The following EGFLAM variants were observed in gnomAD, a reference collection of about 807,000 sequenced individuals.
The protein encoded by EGFLAM is EGF like, fibronectin type III and laminin G domains.
EGFLAM carries 79 observed loss-of-function variants against 113.1 expected under a neutral mutation model. The observed-to-expected ratio is 0.70, with a 90% CI of 0.58 to 0.84. The LOEUF is 0.84. Among genes scored for constraint, EGFLAM ranks in the 40% least tolerant of loss-of-function variants. The probability of loss-of-function intolerance (pLI) is 0.00; values close to 1 mark genes in which losing one functional copy is unlikely to be tolerated. For missense variants in EGFLAM, 1,265 were observed against 1,291.6 expected (o/e 0.98, Z 0.32); for synonymous variants, 504 against 487.6 (o/e 1.03, Z -0.44).
intron 1 of EGFLAM, chr5:38,285,868 C>T (rs1176103478): frequency 6.6e-6 from 1 of 152,092 alleles, no homozygotes; most frequent in Non-Finnish European, 1.5e-5. Flanking sequence ...GGGCACCTGC[C>T]CCCATGATTC....
intron 15 of EGFLAM, among the ~76,000 whole-genome samples, chr5:38,434,387 G>T (rs948397054): frequency 1.3e-5 from 2 of 152,192 alleles, no homozygotes; most frequent in Admixed American, 6.5e-5. Flanking sequence ...ATAAACCCCT[G>T]CAGGGCAGGA....
intron 1 of EGFLAM, among the ~76,000 whole-genome samples, chr5:38,281,825 T>C (rs2111755623): frequency 6.6e-6 from 1 of 152,364 alleles, no homozygotes; most frequent in Admixed American, 6.5e-5. Flanking sequence ...CTGTGCTTGA[T>C]ACACTGTAGC....
chr5:38,269,043 G>A (rs1281931083), intron 1 of EGFLAM, among the ~76,000 whole-genome samples: 4 of 152,094 alleles, frequency 2.6e-5, no homozygotes, highest in Non-Finnish European at 4.4e-5. Context: ...CAGTTGTGGT[G>A]ATGTGCACAC....
At chr5:38,362,497 G>GA (rs33998032) in intron 5 of EGFLAM, among the ~76,000 whole-genome samples, 4,824 of 152,070 alleles carry the variant, frequency 0.032, 271 homozygotes, top group African/African-American at 0.11. Context: ...GAGGAAATGG[G>GA]AAAAAACAAC....
intron 5 of EGFLAM, among the ~76,000 whole-genome samples, chr5:38,357,016 GT>G (rs1312705815): frequency 2.0e-5 from 3 of 152,174 alleles, no homozygotes; most frequent in Non-Finnish European, 4.4e-5. Flanking sequence ...AGCCCAGGAG[GT>G]CTCTCACCCC....
chr5:38,379,528 G>C (rs906888165), intron 6 of EGFLAM, among the ~76,000 whole-genome samples: 1 of 152,028 alleles, frequency 6.6e-6, no homozygotes, highest in Admixed American at 6.6e-5. Context: ...ATTCCGGGGA[G>C]GGGATCCGTT....
At chr5:38,259,667 C>A (rs939868554) in intron 1 of EGFLAM, among the ~76,000 whole-genome samples, 3 of 152,080 alleles carry the variant, frequency 2.0e-5, no homozygotes, top group Non-Finnish European at 4.4e-5. Context: ...TTTGCTGGGA[C>A]CATATTTAGA....
At chr5:38,352,148 C>T (rs376604050) in intron 4 of EGFLAM, 48 bp from the exon 5 acceptor site, 24 of 1,611,278 alleles carry the variant, frequency 1.5e-5, no homozygotes, top group South Asian at 2.2e-5. Flanking sequence ...ACCTCTCCAA[C>T]GGCTGAGACC....
At chr5:38,363,787 A>G in intron 5 of EGFLAM, among the ~76,000 whole-genome samples, 1 of 152,208 alleles carries the variant, frequency 6.6e-6, no homozygotes, top group Non-Finnish European at 1.5e-5. Context: ...AAAGTGGCAC[A>G]AGCCAAGTTA....
chr5:38,398,406 A>T (rs1262928800), intron 6 of EGFLAM, among the ~76,000 whole-genome samples: 1 of 152,238 alleles, frequency 6.6e-6, no homozygotes, highest in African/African-American at 2.4e-5. Flanking sequence ...TTATGAAATC[A>T]TCACATAAAT....
intron 11 of EGFLAM, among the ~76,000 whole-genome samples, chr5:38,417,363 A>C (rs572095821): frequency 0.029 from 4,310 of 148,990 alleles, 223 homozygotes; most frequent in African/African-American, 0.1. Context: ...AAAAAAAAAA[A>C]AAAAAACAAA....
At position 38,309,991 on chromosome 5, in the gene EGFLAM, A is replaced by T. The variant is rs1738381279; in HGVS notation, c.98-27529A>T. 2.0e-5 allele frequency among the ~76,000 whole-genome samples: 3 copies of T among 152,218 alleles called. No individual in the cohort carries two copies. In the South Asian group the frequency reaches 6.2e-4, roughly 32 times the overall value. The stretch of plus-strand genomic sequence containing the variant: ...TGGCTCAAGTAGGCCATGATGGGGA[A>T]TTCCAAGTTGCTAGCACCATTCAGG... On this transcript the variant is annotated intron_variant, in intron 1 of 21. Transcript: ENST00000322350.
intron 1 of EGFLAM, among the ~76,000 whole-genome samples, chr5:38,329,292 GATAAATAAATAAATAAATAA>G (rs10523377): frequency 4.2e-4 from 62 of 146,818 alleles, no homozygotes; most frequent in East Asian, 1.8e-3. Context: ...CTATCTCAAA[GATAAATAAATAAATAAATAA>G]ATAAATAAAT....
At chr5:38,364,318 G>A (rs766583247) in intron 5 of EGFLAM, among the ~76,000 whole-genome samples, 1 of 152,184 alleles carries the variant, frequency 6.6e-6, no homozygotes, top group Non-Finnish European at 1.5e-5. Context: ...AGAAACATAA[G>A]CTTGATCTGA....
intron 17 of EGFLAM, among the ~76,000 whole-genome samples, chr5:38,442,280 ATTT>A (rs536299928): frequency 6.7e-6 from 1 of 148,784 alleles, no homozygotes; most frequent in African/African-American, 2.4e-5. Context: ...ATGTTATGTC[ATTT>A]ATTATATTAA....
intron 18 of EGFLAM, among the ~76,000 whole-genome samples, chr5:38,450,859 G>T (rs1041075717): frequency 6.6e-6 from 1 of 152,198 alleles, no homozygotes; most frequent in African/African-American, 2.4e-5. Flanking sequence ...TATTTTCCCT[G>T]TCTAGACCTT....
intron 5 of EGFLAM, among the ~76,000 whole-genome samples, chr5:38,356,913 C>A (rs1056991242): frequency 2.0e-5 from 3 of 152,094 alleles, no homozygotes; most frequent in Non-Finnish European, 4.4e-5. Context: ...AATTCGAACA[C>A]CCAAGGCGAT....
At position 38,448,163 on chromosome 5, in the gene EGFLAM, C is replaced by T. The variant is rs551531537; in HGVS notation, c.2465-138C>T. On this transcript the variant is annotated intron_variant, in intron 17 of 21. Transcript: ENST00000322350. ...GCAACTGTGAACCTGGCCAAATATG[C>T]GTGCAGCCGAAGGGAAGGGGCTGAT... 2.4e-4 allele frequency: 219 copies of T among 909,124 alleles called. No individual in the cohort carries two copies. In the African/African-American group the frequency reaches 2.9e-3, roughly 12 times the overall value. 56.3% of individuals were successfully genotyped at this position (909,124 alleles called of 1,614,324 possible).
At chr5:38,352,463 A>G (rs1421568366) in intron 5 of EGFLAM, 132 bp downstream of exon 5, 8 of 1,176,478 alleles carry the variant, frequency 6.8e-6, no homozygotes, top group East Asian at 2.7e-5. Context: ...CCTGACCAAC[A>G]TGGTGAAACC....
Sources: allele counts gnomAD v4.1 joint callset (sites outside exome capture counted in the v4.1 genomes callset), GRCh38; gene constraint gnomAD v4.1.1; transcripts MANE v1.5; gene names NCBI Gene and HGNC (gene_info 2026-07-23, HGNC 2026-07-21).